Variants in TRMT6 observed in about 807,000 individuals in gnomAD.
The protein encoded by TRMT6 is tRNA (adenine(58)-N(1))-methyltransferase non-catalytic subunit TRM6.
A neutral mutation model predicts 59.0 loss-of-function variants in TRMT6; 34 were observed. The observed-to-expected ratio is 0.58, with a 90% CI of 0.44 to 0.77. The LOEUF is 0.77. TRMT6 is among the 30% of genes least tolerant of loss of function. The pLI, the probability that TRMT6 is intolerant of heterozygous loss-of-function variation, is 0.00. For synonymous variants in TRMT6, 217 were observed against 210.5 expected, an observed-to-expected ratio of 1.03 and a Z score of -0.27; for missense variants, 575 against 604.5, an observed-to-expected ratio of 0.95 and a Z score of 0.51.
Position 5,950,532 on chromosome 20 carries a change from G to C in TRMT6, c.-127C>G, listed in dbSNP as rs2088785059. 1 of 1,110,620 alleles carries C rather than the reference G, an allele frequency of 9.0e-7. No homozygotes were observed. Among genetic ancestry groups the C allele is most frequent in the African/African-American group, 1.6e-5 (1 of 61,808 alleles). The allele number at this position is 1,110,620 out of a possible 1,614,324, so 68.8% of individuals were successfully genotyped here. A position where few individuals can be genotyped will look rare whatever the true frequency, so the allele number is the denominator to read the frequency against. On this transcript the variant is annotated 5_prime_UTR_variant, in exon 1 of 11. Transcript: ENST00000203001. ...CCGACCGGCACCGCCCCCACGTGTT[G>C]CACGCCGCTTCCGCTTTCCGGCCCA...
chr20:5,944,056 T>C (rs1370085567), intron 4 of TRMT6, 25 bp from the exon 5 acceptor site: 2 of 1,525,014 alleles, frequency 1.3e-6, no homozygotes, highest in Non-Finnish European at 8.9e-7. Flanking sequence ...AACAGAACGC[T>C]GATTTAAAAA....
chr20:5,945,863 C>T (rs1460856355), intron 2 of TRMT6, among the ~76,000 whole-genome samples: 1 of 152,092 alleles, frequency 6.6e-6, no homozygotes, highest in Admixed American at 6.6e-5. Flanking sequence ...TGGGCCCTTA[C>T]TAAAAGCAAG....
chr20:5,944,014 G>A lies in TRMT6; in HGVS notation c.476C>T (p.Thr159Ile). 2 of 1,601,766 alleles carry A rather than the reference G, an allele frequency of 1.2e-6. No homozygotes were observed. Among genetic ancestry groups the A allele is most frequent in the Non-Finnish European group, 1.7e-6 (2 of 1,174,274 alleles). ...AATACGGGTGGATGGCTTCACAACA[G>A]TAATGATGGCTTCATATCTGGGGGA... ...KKKKKYEAII[T>I]VVKPSTRILS... The change falls in exon 5 of 11, where the codon ACT becomes ATT. Residue 159 changes from threonine to isoleucine, a missense_variant. Physicochemically the swap from Thr to Ile is moderately conservative, Grantham distance 89. Coordinates refer to ENST00000203001, the MANE Select transcript of TRMT6 (RefSeq NM_015939.5).
chr20:5,948,956 T>C (rs1230893552), intron 1 of TRMT6, among the ~76,000 whole-genome samples: 1 of 152,182 alleles, frequency 6.6e-6, no homozygotes, highest in Non-Finnish European at 1.5e-5. Context: ...AAGTAAGTAC[T>C]TATCAGAAAT....
chr20:5,938,513 T>A lies in TRMT6; in HGVS notation c.*22A>T. The stretch of plus-strand genomic sequence containing the variant: ...AACTGTATAATGCCTGAGAACAAAA[T>A]TCAGAGCAATTCTCAAAAGGGTTAA... On this transcript the variant is annotated 3_prime_UTR_variant, in exon 11 of 11. Coordinates refer to ENST00000203001, the MANE Select transcript of TRMT6 (RefSeq NM_015939.5). 6.2e-7 allele frequency: 1 copy of A among 1,601,354 alleles called. No individual in the cohort carries two copies. Among genetic ancestry groups the A allele is most frequent in the Non-Finnish European group, 8.5e-7 (1 of 1,173,064 alleles).
chr20:5,945,908 G>C (rs949806114), intron 2 of TRMT6, among the ~76,000 whole-genome samples: 5 of 152,102 alleles, frequency 3.3e-5, no homozygotes, highest in African/African-American at 1.2e-4. Context: ...TCATATCATA[G>C]AACACTCAAT....
chr20:5,941,596 T>TA (rs1568557979), intron 8 of TRMT6: 31 of 551,522 alleles, frequency 5.6e-5, no homozygotes, highest in African/African-American at 3.2e-4. Flanking sequence ...TCTTGATTTT[T>TA]TAAAAAAAAT....
intron 7 of TRMT6, 116 bp downstream of exon 7, chr20:5,942,312 T>C (rs755519943): frequency 1.1e-6 from 1 of 945,426 alleles, no homozygotes; most frequent in Non-Finnish European, 1.7e-6. Flanking sequence ...TTCTCTGTTT[T>C]GATAGTTATC....
intron 1 of TRMT6, among the ~76,000 whole-genome samples, chr20:5,948,907 C>T (rs949018396): frequency 8.5e-5 from 13 of 152,270 alleles, no homozygotes; most frequent in African/African-American, 2.4e-4. Context: ...AAATACCAGT[C>T]AACAGTTTGC....
rs1461348650 is a variant in TRMT6, at chr20:5,942,851, G to A, written c.668-65C>T. The A allele has an allele frequency of 7.3e-6, 9 of 1,231,630 alleles. 1 individual carries two copies. The highest frequency in any genetic ancestry group is 2.0e-4 in the Middle Eastern group (1 of 5,082). 76.3% of individuals were successfully genotyped at this position (1,231,630 alleles called of 1,614,324 possible). The stretch of plus-strand genomic sequence containing the variant: ...ACTCTAGACTACGTAAACCCTCAGT[G>A]AGTCCTCCACAGTAATGAGACTGAA... On this transcript the variant is annotated intron_variant, in intron 6 of 10. Transcript: ENST00000203001.
rs1431112676 is a variant in TRMT6, at chr20:5,937,897, C to A, written c.*638G>T. On this transcript the variant is annotated 3_prime_UTR_variant, in exon 11 of 11. Transcript: ENST00000203001. ...AAAATTCTAGTCACTTTATTTAGAA[C>A]AAAGAATAAGAGTATTGGCAAATTA... The A allele has an allele frequency of 6.6e-6, 1 of 152,094 alleles. No individual in the cohort carries two copies. The highest frequency in any genetic ancestry group is 2.4e-5 in the African/African-American group (1 of 41,400). The allele number at this position is 152,094 out of a possible 1,614,324, so 9.4% of individuals were successfully genotyped here.
intron 1 of TRMT6, among the ~76,000 whole-genome samples, chr20:5,947,894 TA>T (rs1266440064): frequency 1.3e-5 from 2 of 151,818 alleles, no homozygotes; most frequent in Non-Finnish European, 2.9e-5. Context: ...CTACAAAAAA[TA>T]AAAAAATTAG....
intron 9 of TRMT6, 37 bp downstream of exon 9, chr20:5,941,206 G>C (rs531849152): frequency 1.4e-5 from 23 of 1,606,492 alleles, no homozygotes; most frequent in Non-Finnish European, 1.9e-5. Flanking sequence ...TCAACATTCA[G>C]ACATAAGAAT....
chr20:5,944,763 CCAAA>C (rs1256992526), intron 3 of TRMT6, 38 bp downstream of exon 3: 3 of 1,518,736 alleles, frequency 2.0e-6, no homozygotes, highest in Non-Finnish European at 1.8e-6. Context: ...TTCCTAAATG[CCAAA>C]CAGACAAAAA....
intron 1 of TRMT6, among the ~76,000 whole-genome samples, chr20:5,948,990 T>C (rs1038882312): frequency 3.9e-5 from 6 of 152,202 alleles, no homozygotes; most frequent in Non-Finnish European, 8.8e-5. Flanking sequence ...CTTCCCAGTC[T>C]GCAGAAAGCT....
rs2088617439 is a variant in TRMT6, at chr20:5,937,432, T to C, written c.*1103A>G. On this transcript the variant is annotated 3_prime_UTR_variant, in exon 11 of 11. Transcript: ENST00000203001. ...AGTGAGCAAGACTCAATCTCTCAAATGAACAAGAGCCTTGGCTGATTCTAA... is the reference window on the plus strand; with the variant it reads ...AGTGAGCAAGACTCAATCTCTCAAACGAACAAGAGCCTTGGCTGATTCTAA... 1 of 152,246 alleles carries C rather than the reference T, an allele frequency of 6.6e-6. No individual in the cohort carries two copies. The highest frequency in any genetic ancestry group is 6.5e-5 in the Admixed American group (1 of 15,288). The allele number at this position is 152,246 out of a possible 1,614,324, so 9.4% of individuals were successfully genotyped here. A position where few individuals can be genotyped will look rare whatever the true frequency, so the allele number is the denominator to read the frequency against.
At chr20:5,945,814 G>C (rs1177316830) in intron 2 of TRMT6, among the ~76,000 whole-genome samples, 1 of 152,154 alleles carries the variant, frequency 6.6e-6, no homozygotes, top group Non-Finnish European at 1.5e-5. Flanking sequence ...TTTTGGACAA[G>C]AGGTTGTTAA....
At chr20:5,939,777 A>G (rs1377140411) in intron 10 of TRMT6, among the ~76,000 whole-genome samples, 1 of 152,140 alleles carries the variant, frequency 6.6e-6, no homozygotes, top group Non-Finnish European at 1.5e-5. Flanking sequence ...CTGTAACCTT[A>G]GCCAAGACAG....
chr20:5,943,634 G>A lies in TRMT6; in HGVS notation c.592C>T (p.Arg198Cys), dbSNP rs141020934. 17 of 1,614,106 alleles carry A rather than the reference G, an allele frequency of 1.1e-5. No individual in the cohort carries two copies. In the African/African-American group the frequency reaches 1.2e-4, roughly 11 times the overall value. ...LAQMLTLGNI[R>C]AGNKMIVMET... The stretch of plus-strand genomic sequence containing the variant: ...ATCACAATCATTTTGTTGCCAGCAC[G>A]GATATTTCCCAACGTCAACATCTGG... Residue 198 changes from arginine (R) to cysteine (C), a missense_variant, in exon 6 of 11, where the codon CGT (arginine) becomes TGT (cysteine). Coordinates refer to ENST00000203001, the MANE Select transcript of TRMT6 (RefSeq NM_015939.5).
Sources: allele counts gnomAD v4.1 joint callset (sites outside exome capture counted in the v4.1 genomes callset), GRCh38; gene constraint gnomAD v4.1.1; transcripts MANE v1.5; gene names NCBI Gene and HGNC (gene_info 2026-07-23, HGNC 2026-07-21).